Variants in PCDH9 observed in about 807,000 individuals in gnomAD.
PCDH9 encodes the protein protocadherin 9.
A neutral mutation model predicts 70.6 loss-of-function variants in PCDH9; 24 were observed. The observed-to-expected ratio is 0.34, with a 90% CI of 0.25 to 0.48. The LOEUF is 0.48. PCDH9 is among the 20% of genes least tolerant of loss of function. PCDH9 has a pLI of 0.99. For synonymous variants in PCDH9, 562 were observed against 558.5 expected (o/e 1.01, Z -0.09); for missense variants, 1,281 against 1,503.6 (o/e 0.85, Z 2.45).
At chr13:66,635,486 G>A (rs1457908312) in intron 3 of PCDH9, among the ~76,000 whole-genome samples, 1 of 152,022 alleles carries the variant, frequency 6.6e-6, no homozygotes, top group Non-Finnish European at 1.5e-5. Flanking sequence ...TCACACATGG[G>A]GGTGTAGAGA....
intron 4 of PCDH9, among the ~76,000 whole-genome samples, chr13:66,446,119 G>A (rs1360041273): frequency 1.3e-5 from 2 of 151,982 alleles, no homozygotes; most frequent in African/African-American, 4.8e-5. Context: ...GGGTTTATAT[G>A]TGATGTGTGT....
chr13:67,062,902 A>G (rs967427547), intron 2 of PCDH9, among the ~76,000 whole-genome samples: 4 of 152,162 alleles, frequency 2.6e-5, no homozygotes, highest in African/African-American at 9.6e-5. Flanking sequence ...GAAAACATGC[A>G]TTAAAGCTTC....
intron 4 of PCDH9, among the ~76,000 whole-genome samples, chr13:66,477,746 T>C (rs776087946): frequency 6.6e-6 from 1 of 152,228 alleles, no homozygotes; most frequent in African/African-American, 2.4e-5. Flanking sequence ...CAAATCATAA[T>C]TGAATCCACA....
intron 2 of PCDH9, among the ~76,000 whole-genome samples, chr13:66,910,013 A>G (rs541630545): frequency 1.3e-5 from 2 of 152,158 alleles, no homozygotes; most frequent in East Asian, 3.9e-4. Context: ...ATGCTCATCA[A>G]TTCCTCTATG....
At chr13:66,486,611 G>A (rs1410962697) in intron 4 of PCDH9, among the ~76,000 whole-genome samples, 1 of 147,906 alleles carries the variant, frequency 6.8e-6, no homozygotes, top group East Asian at 2.0e-4. Flanking sequence ...TCTCCAGCCT[G>A]GAGGACAGAG....
At chr13:66,839,482 G>A (rs1386466178) in intron 3 of PCDH9, among the ~76,000 whole-genome samples, 2 of 152,050 alleles carry the variant, frequency 1.3e-5, no homozygotes, top group South Asian at 2.1e-4. Flanking sequence ...AGCCAGTCAC[G>A]CCAGCTACGC....
chr13:66,404,958 C>T (rs1957254448), intron 4 of PCDH9, among the ~76,000 whole-genome samples: 1 of 151,976 alleles, frequency 6.6e-6, no homozygotes, highest in African/African-American at 2.4e-5. Context: ...TCCTTGTATG[C>T]TATTTAGATG....
At chr13:66,574,936 G>C (rs2076791935) in intron 4 of PCDH9, among the ~76,000 whole-genome samples, 1 of 152,138 alleles carries the variant, frequency 6.6e-6, no homozygotes, top group Non-Finnish European at 1.5e-5. Context: ...CCTTCGGGAG[G>C]CTGAGATGGG....
Position 67,226,706 on chromosome 13 carries a change from A to T in PCDH9, c.1735T>A (p.Phe579Ile). The change falls in exon 2 of 5, where the codon TTT becomes ATT. Residue 579 changes from phenylalanine to isoleucine, a missense_variant. Coordinates refer to ENST00000377865, the MANE Select transcript of PCDH9 (RefSeq NM_203487.3). The surrounding 1 kb of genome is among the most constrained non-coding windows in gnomAD (Gnocchi z 5.0). ...SPKFTHNHFQ[F>I]FVSENLPKYS... ...TTTGGCAGATTCTCAGACACAAAAA[A>T]TTGAAAATGATTATGAGTAAACTTG... 6.2e-7 allele frequency: 1 copy of T among 1,614,176 alleles called. No individual in the cohort carries two copies. The highest frequency in any genetic ancestry group is 8.5e-7 in the Non-Finnish European group (1 of 1,179,998).
At chr13:66,945,377 A>ATACG (rs1156492699) in intron 2 of PCDH9, among the ~76,000 whole-genome samples, 1 of 152,086 alleles carries the variant, frequency 6.6e-6, no homozygotes, top group Admixed American at 6.6e-5. Flanking sequence ...ACTCCTGTGC[A>ATACG]TACGTACATA....
intron 2 of PCDH9, among the ~76,000 whole-genome samples, chr13:67,113,749 G>A (rs1008192345): frequency 3.3e-5 from 5 of 152,052 alleles, no homozygotes; most frequent in Non-Finnish European, 7.4e-5. Flanking sequence ...GGGTTTCACT[G>A]CTTTAGGCAG....
At chr13:66,660,099 G>A (rs193256671) in intron 3 of PCDH9, among the ~76,000 whole-genome samples, 432 of 152,130 alleles carry the variant, frequency 2.8e-3, no homozygotes, top group African/African-American at 9.8e-3. Flanking sequence ...ACCACCACAT[G>A]GTCAAGTGAA....
intron 4 of PCDH9, among the ~76,000 whole-genome samples, chr13:66,523,788 T>A (rs1403222536): frequency 6.6e-6 from 1 of 152,054 alleles, no homozygotes; most frequent in East Asian, 1.9e-4. Context: ...GTAATTTCTA[T>A]GCAGACACAG....
At chr13:66,416,304 G>A (rs535898139) in intron 4 of PCDH9, among the ~76,000 whole-genome samples, 145 of 147,628 alleles carry the variant, frequency 9.8e-4, no homozygotes, top group African/African-American at 3.4e-3. Context: ...ATTAGCCCAC[G>A]GAAGGAAGCT....
At chr13:67,087,835 A>C (rs2138202126) in intron 2 of PCDH9, among the ~76,000 whole-genome samples, 1 of 152,248 alleles carries the variant, frequency 6.6e-6, no homozygotes, top group South Asian at 2.1e-4. Context: ...ACAGAACAAA[A>C]AGAGGATCAT....
intron 2 of PCDH9, among the ~76,000 whole-genome samples, chr13:67,137,482 G>GAATT (rs2087262679): frequency 1.3e-5 from 2 of 152,116 alleles, no homozygotes; most frequent in African/African-American, 4.8e-5. Flanking sequence ...AATATAGCAT[G>GAATT]AATTATCTTT....
intron 4 of PCDH9, among the ~76,000 whole-genome samples, chr13:66,349,235 T>C (rs1956257979): frequency 6.6e-6 from 1 of 152,120 alleles, no homozygotes; most frequent in East Asian, 1.9e-4. Flanking sequence ...CCTCCCTAAA[T>C]ATTTGTTGAA....
intron 3 of PCDH9, among the ~76,000 whole-genome samples, chr13:66,844,547 TGCACTCTAGCCAGGGTGACAGGGC>T (rs2081172696): frequency 6.7e-6 from 1 of 149,676 alleles, no homozygotes; most frequent in Non-Finnish European, 1.5e-5. Flanking sequence ...ATCGTGCCAC[TGCACTCTAGCCAGGGTGACAGGGC>T]GAGACTCTGT....
At chr13:66,512,772 C>A (rs2138587767) in intron 4 of PCDH9, among the ~76,000 whole-genome samples, 1 of 152,078 alleles carries the variant, frequency 6.6e-6, no homozygotes, top group South Asian at 2.1e-4. Flanking sequence ...CAAAAAGACA[C>A]ATGGACTCAT....
Sources: allele counts gnomAD v4.1 joint callset (sites outside exome capture counted in the v4.1 genomes callset), GRCh38; gene constraint gnomAD v4.1.1; non-coding constraint Gnocchi (gnomAD v3.1); transcripts MANE v1.5; gene names NCBI Gene and HGNC (gene_info 2026-07-23, HGNC 2026-07-21).